NEDD9: variants seen among roughly 807,000 people sequenced by gnomAD.
The protein encoded by NEDD9 is enhancer of filamentation 1.
NEDD9 carries 26 observed loss-of-function variants against 76.6 expected under a neutral mutation model. The ratio of observed to expected loss-of-function variants is 0.34; its 90% CI spans 0.25 to 0.47. The LOEUF (loss-of-function observed/expected upper bound fraction) is 0.47, where lower values mean the gene tolerates loss of function less well. NEDD9 is among the 20% of genes least tolerant of loss of function. The pLI, the probability that NEDD9 is intolerant of heterozygous loss-of-function variation, is 1.00. For missense variants in NEDD9, 937 were observed against 1,058.5 expected (o/e 0.89, Z 1.59); for synonymous variants, 392 against 414.2 (o/e 0.95, Z 0.65).
rs374022507 is a variant in NEDD9, at chr6:11,355,907, G to C, written c.-213-21346C>G. Among the ~76,000 whole-genome samples the C allele has an allele frequency of 5.6e-3, 846 of 151,836 alleles. 8 individuals are homozygous for C. The highest frequency in any genetic ancestry group is 0.02 in the African/African-American group (808 of 41,192). ...GGCTAATTTTTTGTATTTTTTAGTAGAGACGGGGTTTCACCGTGTTAGCCA... is the reference window on the plus strand; with the variant it reads ...GGCTAATTTTTTGTATTTTTTAGTACAGACGGGGTTTCACCGTGTTAGCCA... On this transcript the variant is annotated intron_variant, in intron 1 of 3. Transcript: ENST00000397378.
intron 3 of NEDD9, among the ~76,000 whole-genome samples, chr6:11,249,590 G>C (rs758979939): frequency 5.3e-5 from 8 of 152,136 alleles, no homozygotes; most frequent in Non-Finnish European, 1.0e-4. Flanking sequence ...GATGCTGGGA[G>C]GTGTAGTCTC....
intron 1 of NEDD9, among the ~76,000 whole-genome samples, chr6:11,338,053 A>C (rs983501885): frequency 2.0e-5 from 3 of 152,022 alleles, no homozygotes; most frequent in African/African-American, 7.3e-5. Context: ...GTCCCCTCCA[A>C]ATTCTTATGC....
chr6:11,276,426 C>T (rs1053112283), intron 3 of NEDD9, among the ~76,000 whole-genome samples: 7 of 152,118 alleles, frequency 4.6e-5, no homozygotes, highest in South Asian at 2.1e-4. Context: ...TGTGCGCACG[C>T]GCACACATGC....
intron 1 of NEDD9, among the ~76,000 whole-genome samples, chr6:11,363,480 G>A (rs1582050703): frequency 1.3e-5 from 2 of 152,268 alleles, no homozygotes; most frequent in South Asian, 4.2e-4. Flanking sequence ...ATGGAATGGG[G>A]GGGAAGTCTG....
chr6:11,254,126 C>T (rs923667972), intron 3 of NEDD9, among the ~76,000 whole-genome samples: 7 of 149,892 alleles, frequency 4.7e-5, no homozygotes, highest in African/African-American at 1.5e-4. Flanking sequence ...ACTTTTCTTT[C>T]TTTTTTTTTT....
intron 1 of NEDD9, among the ~76,000 whole-genome samples, chr6:11,365,289 C>A (rs897200981): frequency 5.7e-4 from 86 of 150,854 alleles, no homozygotes; most frequent in Admixed American, 1.3e-3. Flanking sequence ...GTCCTACTTT[C>A]AAAAAAAAAC....
At chr6:11,197,246 T>G (rs542217628) in intron 2 of NEDD9, among the ~76,000 whole-genome samples, 2 of 143,254 alleles carry the variant, frequency 1.4e-5, no homozygotes, top group African/African-American at 5.2e-5. Context: ...TTTCCCCCTC[T>G]GTTTGCTTTT....
intron 1 of NEDD9, among the ~76,000 whole-genome samples, chr6:11,229,338 C>CATT (rs1238199626): frequency 6.6e-6 from 1 of 152,212 alleles, no homozygotes; most frequent in Non-Finnish European, 1.5e-5. Context: ...TCTGCTCAGC[C>CATT]ATTAGCAGCC....
intron 1 of NEDD9, among the ~76,000 whole-genome samples, chr6:11,358,101 A>T (rs1762612363): frequency 6.6e-6 from 1 of 152,034 alleles, no homozygotes; most frequent in Non-Finnish European, 1.5e-5. Context: ...ACAAAAAATT[A>T]GCCGGGCGTG....
intron 1 of NEDD9, among the ~76,000 whole-genome samples, chr6:11,222,677 G>T (rs1759180760): frequency 6.6e-6 from 1 of 152,234 alleles, no homozygotes; most frequent in South Asian, 2.1e-4. Context: ...AGAAGCCAGA[G>T]AAATACTTTA....
At position 11,268,223 on chromosome 6, in the gene NEDD9, G is replaced by A. The variant is rs113352701; in HGVS notation, c.12+37769C>T. On this transcript the variant is annotated intron_variant, in intron 3 of 3. Transcript: ENST00000397378. ...TTTTGTATTGCTTTTTAATAGAGTC[G>A]GGGTTTCGCCATGTTACCTAGGCTG... Among the ~76,000 whole-genome samples, 15 of 151,916 alleles carry A rather than the reference G, an allele frequency of 9.9e-5. 1 individual carries two copies. The highest frequency in any genetic ancestry group is 3.4e-4 in the African/African-American group (14 of 41,454).
At chr6:11,285,910 A>G (rs1329401962) in intron 3 of NEDD9, among the ~76,000 whole-genome samples, 2 of 152,200 alleles carry the variant, frequency 1.3e-5, no homozygotes, top group Non-Finnish European at 2.9e-5. Context: ...ATATAAGAGA[A>G]AATGTTTGTG....
chr6:11,337,853 C>T (rs557239220), intron 1 of NEDD9, among the ~76,000 whole-genome samples: 1 of 152,290 alleles, frequency 6.6e-6, no homozygotes, highest in Non-Finnish European at 1.5e-5. Flanking sequence ...TCTCTTCTTT[C>T]CTCAGAGGAT....
At chr6:11,232,365 C>G in intron 1 of NEDD9, 139 bp downstream of exon 1, 3 of 1,050,052 alleles carry the variant, frequency 2.9e-6, no homozygotes, top group Non-Finnish European at 2.9e-6. Context: ...GCTTGCATGT[C>G]AACCTCAGTG....
At chr6:11,260,418 T>A (rs1465915418) in intron 3 of NEDD9, among the ~76,000 whole-genome samples, 1 of 152,172 alleles carries the variant, frequency 6.6e-6, no homozygotes, top group African/African-American at 2.4e-5. Flanking sequence ...TTTGGGAAAA[T>A]TAATCATTCT....
At chr6:11,335,388 T>C (rs1349835748) in intron 1 of NEDD9, among the ~76,000 whole-genome samples, 1 of 152,170 alleles carries the variant, frequency 6.6e-6, no homozygotes, top group Non-Finnish European at 1.5e-5. Context: ...GCGAAATCAC[T>C]ACATCTGAGA....
At chr6:11,334,015 C>G (rs1399175922) in intron 2 of NEDD9, among the ~76,000 whole-genome samples, 3 of 152,152 alleles carry the variant, frequency 2.0e-5, no homozygotes, top group Non-Finnish European at 4.4e-5. Flanking sequence ...CCCTCATACC[C>G]CATCAGCTAA....
chr6:11,248,621 G>T (rs957565128), intron 3 of NEDD9, among the ~76,000 whole-genome samples: 1 of 152,220 alleles, frequency 6.6e-6, no homozygotes, highest in Non-Finnish European at 1.5e-5. Context: ...CAGGGTCCTG[G>T]CTTCTGTGGC....
In NEDD9 at chr6:11,232,620, G is replaced by C. The variant is rs16871126; in HGVS notation, c.-105C>G. On this transcript the variant is annotated 5_prime_UTR_variant, in exon 1 of 7. Transcript: ENST00000379446. ...GTGCAGCGCTAGATGAAAGCGAGAA[G>C]GTCCCGGGCAGAGCCGCTTGTCAGT... 126 of 1,599,494 alleles carry C rather than the reference G, an allele frequency of 7.9e-5. No homozygotes were observed. The highest frequency in any genetic ancestry group is 1.0e-4 in the Non-Finnish European group (122 of 1,173,482).
Sources: allele counts gnomAD v4.1 joint callset (sites outside exome capture counted in the v4.1 genomes callset), GRCh38; gene constraint gnomAD v4.1.1; transcripts MANE v1.5; gene names NCBI Gene and HGNC (gene_info 2026-07-23, HGNC 2026-07-21).